The following PARD3B variants were observed in gnomAD, a reference collection of about 807,000 sequenced individuals.
PARD3B encodes partitioning defective 3 homolog B.
In PARD3B, 103 loss-of-function variants were observed where a neutral mutation model predicts 130.2. The observed-to-expected ratio is 0.79, with a 90% CI of 0.67 to 0.93. PARD3B has a LOEUF of 0.93. PARD3B is among the 40% of genes least tolerant of loss of function. The probability of loss-of-function intolerance (pLI) is 0.00; values close to 1 mark genes in which losing one functional copy is unlikely to be tolerated. For missense variants in PARD3B, 1,609 were observed against 1,499.2 expected, an observed-to-expected ratio of 1.07 and a Z score of -1.21; for synonymous variants, 583 against 553.2, an observed-to-expected ratio of 1.05 and a Z score of -0.76.
chr2:204,978,318 A>G (rs1400114189), intron 3 of PARD3B, among the ~76,000 whole-genome samples: 4 of 152,220 alleles, frequency 2.6e-5, no homozygotes, highest in South Asian at 2.1e-4. Context: ...ACAGATAATT[A>G]TTAATGTCTA....
chr2:205,056,401 G>A (rs952122563), intron 4 of PARD3B, among the ~76,000 whole-genome samples: 7 of 151,806 alleles, frequency 4.6e-5, no homozygotes, highest in South Asian at 2.1e-4. Context: ...ATTTTAAAAA[G>A]TAGCTACTGT....
chr2:205,068,439 T>C (rs558060334), intron 4 of PARD3B, among the ~76,000 whole-genome samples: 1 of 152,298 alleles, frequency 6.6e-6, no homozygotes, highest in Admixed American at 6.5e-5. Flanking sequence ...ATACTATTAG[T>C]TTAAAAAATT....
intron 21 of PARD3B, among the ~76,000 whole-genome samples, chr2:205,533,690 G>T (rs1251059398): frequency 6.6e-6 from 1 of 152,012 alleles, no homozygotes. Flanking sequence ...CTTACAAAAA[G>T]ACATAGATTT....
At chr2:205,296,357 A>G (rs1223180771) in intron 16 of PARD3B, among the ~76,000 whole-genome samples, 2 of 152,196 alleles carry the variant, frequency 1.3e-5, no homozygotes, top group Non-Finnish European at 2.9e-5. Flanking sequence ...GAGAAGCAAC[A>G]GCAGTGCTCA....
intron 18 of PARD3B, 84 bp from the exon 19 acceptor site, chr2:205,400,929 A>G (rs2046229778): frequency 1.1e-6 from 1 of 928,560 alleles, no homozygotes; most frequent in African/African-American, 1.7e-5. Context: ...GTATGACTTA[A>G]TGAGCTCATC....
intron 2 of PARD3B, among the ~76,000 whole-genome samples, chr2:204,786,113 CA>C (rs56704816): frequency 0.7 from 66,058 of 93,854 alleles, 23,236 homozygotes; most frequent in Non-Finnish European, 0.81. Flanking sequence ...GACTCCATCT[CA>C]AAAAAAAAAA....
chr2:205,341,792 T>G lies in PARD3B; in HGVS notation c.2630+40091T>G, dbSNP rs1185862261. On this transcript the variant is annotated intron_variant, in intron 18 of 22. Transcript: ENST00000406610. The surrounding 1 kb of genome is among the most constrained non-coding windows in gnomAD (Gnocchi z 4.3). ...ATGGATATGCTAATTACCCTGATTT[T>G]GTCATTATACATTATATGTGCATAT... Among the ~76,000 whole-genome samples the G allele has an allele frequency of 6.6e-6, 1 of 152,178 alleles. No individual in the cohort carries two copies. The highest frequency in any genetic ancestry group is 1.5e-5 in the Non-Finnish European group (1 of 68,000).
intron 4 of PARD3B, among the ~76,000 whole-genome samples, chr2:205,049,857 T>G (rs1316341890): frequency 1.3e-5 from 2 of 152,212 alleles, no homozygotes; most frequent in Non-Finnish European, 1.5e-5. Flanking sequence ...AACACATGTT[T>G]CTTCCTTTCC....
chr2:205,008,911 A>G (rs1399371838), intron 3 of PARD3B, among the ~76,000 whole-genome samples: 1 of 152,222 alleles, frequency 6.6e-6, no homozygotes, highest in Non-Finnish European at 1.5e-5. Context: ...AATCAAGTAC[A>G]TGAGAAGAGT....
intron 1 of PARD3B, among the ~76,000 whole-genome samples, chr2:204,576,250 G>A (rs1260397024): frequency 6.6e-6 from 1 of 152,152 alleles, no homozygotes; most frequent in Non-Finnish European, 1.5e-5. Flanking sequence ...CCAGCAGGCT[G>A]GGGTGCTGCT....
intron 4 of PARD3B, among the ~76,000 whole-genome samples, chr2:205,056,090 G>A (rs1474304626): frequency 6.6e-6 from 1 of 152,098 alleles, no homozygotes; most frequent in Non-Finnish European, 1.5e-5. Context: ...TGACATAGGA[G>A]GAAAGGGTTA....
At chr2:204,855,555 AT>A (rs1559202218) in intron 2 of PARD3B, among the ~76,000 whole-genome samples, 1,741 of 118,578 alleles carry the variant, frequency 0.015, 25 homozygotes, top group African/African-American at 0.075. Flanking sequence ...AAAAAAAAAT[AT>A]ATATATATAT....
chr2:204,981,738 A>G (rs974402716), intron 3 of PARD3B, among the ~76,000 whole-genome samples: 10 of 152,192 alleles, frequency 6.6e-5, no homozygotes, highest in African/African-American at 2.2e-4. Context: ...AGAAACTGAT[A>G]AAAAGTTTTG....
rs970083198 is a variant in PARD3B at position 205,564,148 on chromosome 2, G to A, written c.3260+10745G>A. 6.6e-6 allele frequency among the ~76,000 whole-genome samples: 1 copy of A among 152,148 alleles called. No individual in the cohort carries two copies. The highest frequency in any genetic ancestry group is 2.4e-5 in the African/African-American group (1 of 41,434). On this transcript the variant is annotated intron_variant, in intron 22 of 22. Transcript: ENST00000406610. The surrounding 1 kb of genome is among the most constrained non-coding windows in gnomAD (Gnocchi z 4.6). ...AGTGACAGGTTTTGGAGTCAGTTCAGTATTTTCTGCATCTGAAATTTCTGG... is the reference window on the plus strand; with the variant it reads ...AGTGACAGGTTTTGGAGTCAGTTCAATATTTTCTGCATCTGAAATTTCTGG...
At chr2:205,249,963 A>AT (rs1016002964) in intron 16 of PARD3B, among the ~76,000 whole-genome samples, 6 of 151,520 alleles carry the variant, frequency 4.0e-5, no homozygotes, top group African/African-American at 9.7e-5. Context: ...AGAAAAATGT[A>AT]TTTTTTAACA....
At chr2:205,442,554 G>A (rs368887779) in intron 20 of PARD3B, among the ~76,000 whole-genome samples, 3 of 152,158 alleles carry the variant, frequency 2.0e-5, no homozygotes, top group East Asian at 3.9e-4. Flanking sequence ...ACCCACCTCG[G>A]CATCCCAAAG....
intron 3 of PARD3B, among the ~76,000 whole-genome samples, chr2:205,043,913 G>A (rs932315833): frequency 9.3e-5 from 14 of 150,588 alleles, no homozygotes; most frequent in African/African-American, 3.4e-4. Flanking sequence ...CCACCAACTC[G>A]TCATCTAGCA....
chr2:204,740,239 C>T (rs988661876), intron 2 of PARD3B, among the ~76,000 whole-genome samples: 4 of 151,620 alleles, frequency 2.6e-5, no homozygotes, highest in South Asian at 2.1e-4. Context: ...CCAGGCTGAT[C>T]GCGATCTCCT....
intron 2 of PARD3B, among the ~76,000 whole-genome samples, chr2:204,729,853 T>G (rs2125336176): frequency 6.6e-6 from 1 of 152,304 alleles, no homozygotes; most frequent in South Asian, 2.1e-4. Context: ...TTTATCTATT[T>G]TAACTCTGAA....
Sources: gnomAD v4.1 joint callset for allele counts (sites outside exome capture counted in the v4.1 genomes callset) on GRCh38, gnomAD v4.1.1 for gene constraint, Gnocchi (gnomAD v3.1) non-coding constraint, MANE v1.5 for transcripts, NCBI Gene and HGNC (gene_info 2026-07-23, HGNC 2026-07-21) for gene names.